The following PRKN variants were observed in gnomAD, a reference collection of about 807,000 sequenced individuals.
PRKN encodes E3 ubiquitin-protein ligase parkin.
A neutral mutation model predicts 59.5 loss-of-function variants in PRKN; 56 were observed. The ratio of observed to expected loss-of-function variants is 0.94; its 90% CI spans 0.76 to 1.18. PRKN has a LOEUF of 1.18. Among genes scored for constraint, PRKN ranks in the 50% most tolerant of loss-of-function variants. The pLI is 0.00. For synonymous variants in PRKN, 250 were observed against 222.1 expected, an observed-to-expected ratio of 1.13 and a Z score of -1.12; for missense variants, 657 against 596.4, an observed-to-expected ratio of 1.10 and a Z score of -1.06.
chr6:162,059,226 A>G (rs1189477649), intron 4 of PRKN, among the ~76,000 whole-genome samples: 1 of 152,202 alleles, frequency 6.6e-6, no homozygotes, highest in Admixed American at 6.5e-5. Flanking sequence ...ACATTATAGA[A>G]AACTCATTCA....
intron 3 of PRKN, among the ~76,000 whole-genome samples, chr6:162,209,961 A>G (rs5007361): frequency 1 from 149,615 of 149,884 alleles, 74,680 homozygotes; most frequent in Middle Eastern, 1. Flanking sequence ...CTGTTGTGGG[A>G]TGGGGAGAGG....
intron 7 of PRKN, among the ~76,000 whole-genome samples, chr6:161,745,720 C>A (rs138854785): frequency 6.6e-6 from 1 of 152,226 alleles, no homozygotes; most frequent in East Asian, 1.9e-4. Flanking sequence ...GGAAGGCAGA[C>A]GGCAAGGGGA....
intron 6 of PRKN, among the ~76,000 whole-genome samples, chr6:161,858,362 G>T (rs918462929): frequency 1.3e-5 from 2 of 152,108 alleles, no homozygotes; most frequent in African/African-American, 4.8e-5. Flanking sequence ...TTTAACATTG[G>T]TTCTCCATTT....
intron 7 of PRKN, among the ~76,000 whole-genome samples, chr6:161,733,800 A>ATATATATATATG (rs1787842280): frequency 2.5e-5 from 1 of 39,924 alleles, no homozygotes; most frequent in African/African-American, 7.6e-5. Flanking sequence ...ATATATATGT[A>ATATATATATATG]TATATATATA....
rs1779724010 is a variant in PRKN, at chr6:161,544,435, A to T, written c.1083+4419T>A. On this transcript the variant is annotated intron_variant, in intron 9 of 11. Transcript: ENST00000366898. The surrounding 1 kb of genome is among the most constrained non-coding windows in gnomAD (Gnocchi z 5.5). ...AATACTGGGATAAATGATGATTAAT[A>T]TTGGAAAATAAAAGTAATAGTTTGT... Among the ~76,000 whole-genome samples the T allele has an allele frequency of 6.6e-6, 1 of 152,210 alleles. No individual in the cohort carries two copies. Among genetic ancestry groups the T allele is most frequent in the African/African-American group, 2.4e-5 (1 of 41,444 alleles).
intron 3 of PRKN, among the ~76,000 whole-genome samples, chr6:162,253,740 A>C (rs1470554431): frequency 6.6e-6 from 1 of 152,038 alleles, no homozygotes; most frequent in East Asian, 1.9e-4. Flanking sequence ...GAAGTAAAAA[A>C]ATATTAAATG....
At position 162,147,344 on chromosome 6, in the gene PRKN, G is replaced by GAAA. The variant is rs767653516; in HGVS notation, c.534+53784_534+53786dup. Among the ~76,000 whole-genome samples the GAAA allele has an allele frequency of 8.6e-3, 360 of 42,022 alleles. 2 individuals are homozygous for GAAA. Among genetic ancestry groups the GAAA allele is most frequent in the Non-Finnish European group, 0.011 (218 of 19,474 alleles). The allele number at this position is 42,022 out of a possible 152,430, so 27.6% of individuals were successfully genotyped here. A position where few individuals can be genotyped will look rare whatever the true frequency, so the allele number is the denominator to read the frequency against. ...GGTGACAGAGGAAGACTCTGTCTCA[G>GAAA]AAAAAAAAAAAAAAAAAAAAAAAAG... On this transcript the variant is annotated intron_variant, in intron 4 of 11. Transcript: ENST00000366898.
chr6:162,343,049 G>A (rs1202084150), intron 2 of PRKN, among the ~76,000 whole-genome samples: 2 of 152,094 alleles, frequency 1.3e-5, no homozygotes, highest in Non-Finnish European at 2.9e-5. Context: ...ACAAGTAGAA[G>A]TCGAGTTTGT....
chr6:162,366,299 C>A (rs1785434113), intron 2 of PRKN, among the ~76,000 whole-genome samples: 1 of 152,034 alleles, frequency 6.6e-6, no homozygotes, highest in African/African-American at 2.4e-5. Context: ...GAATGTCATT[C>A]TAGTTTTCTT....
chr6:161,605,625 C>T lies in PRKN; in HGVS notation c.872-36209G>A, dbSNP rs369473235. Among the ~76,000 whole-genome samples the T allele has an allele frequency of 1.7e-3, 255 of 152,050 alleles. 1 individual carries two copies. Among genetic ancestry groups the T allele is most frequent in the African/African-American group, 5.9e-3 (246 of 41,474 alleles). Reference sequence around the variant, plus strand: ...CTCCCAGGTTCAAGCGATTCTCCTGCCTCAGCCTCCCAAGTAGCTGGGATT... The same window carrying T: ...CTCCCAGGTTCAAGCGATTCTCCTGTCTCAGCCTCCCAAGTAGCTGGGATT... On this transcript the variant is annotated intron_variant, in intron 7 of 11. Coordinates refer to ENST00000366898, the MANE Select transcript of PRKN (RefSeq NM_004562.3).
chr6:161,797,104 T>C (rs1790881221), intron 6 of PRKN, among the ~76,000 whole-genome samples: 1 of 152,218 alleles, frequency 6.6e-6, no homozygotes, highest in South Asian at 2.1e-4. Flanking sequence ...AGAAATTATT[T>C]CAGACACAGA....
chr6:161,608,611 C>T (rs140490766), intron 7 of PRKN, among the ~76,000 whole-genome samples: 1,662 of 152,138 alleles, frequency 0.011, 30 homozygotes, highest in African/African-American at 0.038. Flanking sequence ...TGGCTCACTG[C>T]AATCTCTGCC....
In PRKN at chr6:161,401,640, G is replaced by A. The variant is rs528273665; in HGVS notation, c.1084-14763C>T. ...ACTCCCCACCAAAAAAAAAAAATTA[G>A]AGTACTGATCTGGATTTCACCCTTG... On this transcript the variant is annotated intron_variant, in intron 9 of 11. Coordinates refer to ENST00000366898, the MANE Select transcript of PRKN (RefSeq NM_004562.3). The surrounding 1 kb of genome is among the most constrained non-coding windows in gnomAD (Gnocchi z 4.4). Among the ~76,000 whole-genome samples the A allele has an allele frequency of 1.3e-5, 2 of 151,774 alleles. No homozygotes were observed. Among genetic ancestry groups the A allele is most frequent in the Non-Finnish European group, 2.9e-5 (2 of 67,952 alleles).
At chr6:162,504,425 G>T (rs989646059) in intron 1 of PRKN, among the ~76,000 whole-genome samples, 1 of 152,112 alleles carries the variant, frequency 6.6e-6, no homozygotes, top group African/African-American at 2.4e-5. Flanking sequence ...CACAAAAAAT[G>T]TTATAATAAA....
At chr6:162,727,610 A>T in intron 1 of PRKN, 52 bp downstream of exon 1, 3 of 1,554,766 alleles carry the variant, frequency 1.9e-6, no homozygotes, top group Middle Eastern at 1.7e-4. Flanking sequence ...GTGGCGCCAT[A>T]CCGGGGCGTG....
intron 6 of PRKN, among the ~76,000 whole-genome samples, chr6:161,852,937 A>C (rs1793497656): frequency 6.6e-6 from 1 of 152,186 alleles, no homozygotes. Flanking sequence ...GATGAGCTAC[A>C]AAGTGCCTCA....
intron 2 of PRKN, among the ~76,000 whole-genome samples, chr6:162,416,970 A>G (rs561547439): frequency 1.9e-4 from 29 of 152,296 alleles, no homozygotes; most frequent in Non-Finnish European, 2.9e-5. Flanking sequence ...CTCCTAACTA[A>G]ACAGCTGTTT....
intron 1 of PRKN, among the ~76,000 whole-genome samples, chr6:162,465,053 A>T (rs191233409): frequency 1.4e-4 from 22 of 152,264 alleles, no homozygotes; most frequent in Non-Finnish European, 2.4e-4. Context: ...CAGCAGACAG[A>T]ATGTTTACCT....
chr6:162,443,383 C>T lies in PRKN; in HGVS notation c.98G>A (p.Arg33Gln), dbSNP rs147757966. The change falls in exon 2 of 12, where the codon CGA becomes CAA. Residue 33 changes from arginine to glutamine, a missense_variant. By Grantham distance (43) the Arg-to-Gln change is conservative (BLOSUM62 1). Coordinates refer to ENST00000366898, the MANE Select transcript of PRKN (RefSeq NM_004562.3). ...CAACTGGTCAGCCGGAACCCCCTGT[C>T]GCTTAGCAACCACCTCCTTGAGCTG... ...IFQLKEVVAK[R>Q]QGVPADQLRV... 1.5e-4 allele frequency: 248 copies of T among 1,613,848 alleles called. No homozygotes were observed. The highest frequency in any genetic ancestry group is 2.0e-4 in the Non-Finnish European group (237 of 1,180,038).
Sources: gnomAD v4.1 joint callset for allele counts (sites outside exome capture counted in the v4.1 genomes callset) on GRCh38, gnomAD v4.1.1 for gene constraint, Gnocchi (gnomAD v3.1) non-coding constraint, MANE v1.5 for transcripts, NCBI Gene and HGNC (gene_info 2026-07-23, HGNC 2026-07-21) for gene names.